The following PSPC1 variants were observed in gnomAD, a reference collection of about 807,000 sequenced individuals.
PSPC1 encodes the protein paraspeckle protein 1.
Under a neutral mutation model 51.6 loss-of-function variants are expected in PSPC1, and 14 were observed. That is an observed-to-expected ratio of 0.27 (90% confidence interval 0.18 to 0.42). The LOEUF is 0.42. Ranked by LOEUF, PSPC1 falls within the 10% of genes least tolerant of loss-of-function variation. The probability of loss-of-function intolerance (pLI) is 1.00; values close to 1 mark genes in which losing one functional copy is unlikely to be tolerated. For missense variants in PSPC1, 406 were observed against 701.1 expected (o/e 0.58, Z 4.75); for synonymous variants, 193 against 231.9 (o/e 0.83, Z 1.53).
rs184042854 is a variant in PSPC1, at chr13:19,722,726, G to A, written c.1158+7513C>T. Among the ~76,000 whole-genome samples, 700 of 152,128 alleles carry A rather than the reference G, an allele frequency of 4.6e-3. 5 individuals are homozygous for A. Among genetic ancestry groups the A allele is most frequent in the South Asian group, 0.027 (128 of 4,816 alleles). Reference sequence around the variant, plus strand: ...GAAGAATCACTTGAACCTGGGAGGCGGAGGTTGCCATGAGCTGAGATCGCG... The same window carrying A: ...GAAGAATCACTTGAACCTGGGAGGCAGAGGTTGCCATGAGCTGAGATCGCG... On this transcript the variant is annotated intron_variant, in intron 6 of 8. Transcript: ENST00000338910.
intron 6 of PSPC1, among the ~76,000 whole-genome samples, chr13:19,694,263 AT>A (rs1316649493): frequency 6.6e-6 from 1 of 151,898 alleles, no homozygotes; most frequent in African/African-American, 2.4e-5. Context: ...AGCCTATGTA[AT>A]GGGATTCAGA....
chr13:19,686,174 C>A (rs564148987), intron 6 of PSPC1, among the ~76,000 whole-genome samples: 1 of 152,142 alleles, frequency 6.6e-6, no homozygotes. Context: ...AAAGTCTCTC[C>A]GCTGAATTCC....
chr13:19,777,569 A>T (rs1202931846), intron 1 of PSPC1, among the ~76,000 whole-genome samples: 1 of 152,188 alleles, frequency 6.6e-6, no homozygotes, highest in African/African-American at 2.4e-5. Flanking sequence ...ATTTTAAGGA[A>T]ATTTCCATAT....
At chr13:19,706,375 A>C (rs1396220509) in intron 7 of PSPC1, among the ~76,000 whole-genome samples, 2 of 152,074 alleles carry the variant, frequency 1.3e-5, no homozygotes, top group African/African-American at 4.8e-5. Flanking sequence ...ACCTTGCTAA[A>C]TTACATAAGG....
intron 5 of PSPC1, among the ~76,000 whole-genome samples, chr13:19,738,753 A>G (rs940203069): frequency 6.6e-6 from 1 of 152,038 alleles, no homozygotes; most frequent in African/African-American, 2.4e-5. Flanking sequence ...TAAAAATACA[A>G]AAAAATAGCC....
intron 5 of PSPC1, among the ~76,000 whole-genome samples, chr13:19,737,586 TG>T (rs1884979683): frequency 1.6e-5 from 1 of 63,194 alleles, no homozygotes; most frequent in Admixed American, 1.8e-4. Flanking sequence ...TGGTGTCTAC[TG>T]GGTTTCTCCC....
intron 3 of PSPC1, among the ~76,000 whole-genome samples, chr13:19,752,598 A>AT (rs1400277318): frequency 1.3e-5 from 2 of 151,286 alleles, no homozygotes; most frequent in African/African-American, 2.4e-5. Flanking sequence ...TTATTTATTT[A>AT]TTTTTGAGAC....
Position 19,751,263 on chromosome 13 carries a change from A to G in PSPC1, c.967+8T>C. 1 of 1,520,758 alleles carries G rather than the reference A, an allele frequency of 6.6e-7. No homozygotes were observed. The allele number at this position is 1,520,758 out of a possible 1,614,324, so 94.2% of individuals were successfully genotyped here. On this transcript the variant is annotated splice_region_variant and intron_variant, in intron 4 of 8. Transcript: ENST00000338910. ...TCATACCACATGTACATGAAAATCC[A>G]TATTTACCTTGCCTCATTAGCATTA...
chr13:19,757,025 G>A (rs1211715446), intron 3 of PSPC1, among the ~76,000 whole-genome samples: 1 of 151,824 alleles, frequency 6.6e-6, no homozygotes, highest in East Asian at 2.0e-4. Context: ...AGCTACTTGG[G>A]ATGCTGAGGC....
intron 8 of PSPC1, among the ~76,000 whole-genome samples, chr13:19,704,955 T>C (rs1880459926): frequency 6.6e-6 from 1 of 152,226 alleles, no homozygotes; most frequent in Non-Finnish European, 1.5e-5. Context: ...TGACAGGTAA[T>C]ATTTTTATCA....
In PSPC1 at chr13:19,703,325, C is replaced by T. The variant is rs1225868482; in HGVS notation, c.1422G>A (p.Gln474=). The T allele has an allele frequency of 6.2e-7, 1 of 1,611,282 alleles. No homozygotes were observed. The highest frequency in any genetic ancestry group is 1.3e-5 in the African/African-American group (1 of 74,786). ...NDRFPQGPPS[Q]MGSPMGSRTG... Reference sequence around the variant, plus strand: ...TTCTACTCCCCATAGGTGAACCCATCTGAGATGGTGGTCCTTGAGGAAATC... The same window carrying T: ...TTCTACTCCCCATAGGTGAACCCATTTGAGATGGTGGTCCTTGAGGAAATC... Residue 474 remains glutamine, a synonymous_variant, in exon 9 of 9, where the codon CAG becomes CAA. Coordinates refer to ENST00000338910, the MANE Select transcript of PSPC1 (RefSeq NM_001354909.2).
At chr13:19,761,177 G>A (rs1036555369) in intron 2 of PSPC1, among the ~76,000 whole-genome samples, 2 of 151,924 alleles carry the variant, frequency 1.3e-5, no homozygotes, top group African/African-American at 2.4e-5. Context: ...ATGTTAGCCA[G>A]ACAAAAAGGG....
At chr13:19,759,600 C>T (rs1776881011) in intron 2 of PSPC1, among the ~76,000 whole-genome samples, 182 bp from the exon 3 acceptor site, 1 of 152,138 alleles carries the variant, frequency 6.6e-6, no homozygotes, top group African/African-American at 2.4e-5. Context: ...GTGGCTCACG[C>T]CTGTAATCCC....
intron 6 of PSPC1, among the ~76,000 whole-genome samples, chr13:19,683,179 A>G (rs1292258057): frequency 6.6e-6 from 1 of 152,228 alleles, no homozygotes; most frequent in African/African-American, 2.4e-5. Flanking sequence ...AATTTTCCCC[A>G]AGAGGAATGA....
chr13:19,680,819 G>C (rs1406300456), intron 6 of PSPC1, among the ~76,000 whole-genome samples: 1 of 152,132 alleles, frequency 6.6e-6, no homozygotes, highest in African/African-American at 2.4e-5. Context: ...AGTGAAAAAG[G>C]CCCCTCTAAC....
chr13:19,782,906 C>A lies in PSPC1; in HGVS notation c.-149G>T, dbSNP rs945706951. The A allele has an allele frequency of 3.7e-6, 3 of 813,636 alleles. No individual in the cohort carries two copies. The East Asian group carries it at 9.0e-5, about 24-fold the overall frequency. 50.4% of individuals were successfully genotyped at this position (813,636 alleles called of 1,614,324 possible). A position where few individuals can be genotyped will look rare whatever the true frequency, so the allele number is the denominator to read the frequency against. The stretch of plus-strand genomic sequence containing the variant: ...GTAGGCGAGTCGGCAACCCGTCCTC[C>A]CCCAACTCACGCCCGCTGCAGCTGC... On this transcript the variant is annotated 5_prime_UTR_variant, in exon 1 of 9. Coordinates refer to ENST00000338910, the MANE Select transcript of PSPC1 (RefSeq NM_001354909.2). This position sits in a 1 kb window ranked among gnomAD's most constrained non-coding sequence, Gnocchi z 4.5.
At chr13:19,734,879 G>A (rs1043834212) in intron 5 of PSPC1, among the ~76,000 whole-genome samples, 2 of 151,978 alleles carry the variant, frequency 1.3e-5, no homozygotes, top group Non-Finnish European at 2.9e-5. Flanking sequence ...TCAGGAGGCC[G>A]AGGCAGGAGA....
At chr13:19,681,024 C>T (rs1036389168) in intron 6 of PSPC1, among the ~76,000 whole-genome samples, 2 of 152,048 alleles carry the variant, frequency 1.3e-5, no homozygotes, top group Admixed American at 1.3e-4. Context: ...TTGAGACCAG[C>T]GTGGGCAACA....
intron 3 of PSPC1, among the ~76,000 whole-genome samples, chr13:19,755,128 G>C (rs1566032504): frequency 6.6e-6 from 1 of 151,998 alleles, no homozygotes; most frequent in Non-Finnish European, 1.5e-5. Context: ...CAGCTACTTG[G>C]GGGGTGCTGA....
Sources: gnomAD v4.1 joint callset for allele counts (sites outside exome capture counted in the v4.1 genomes callset) on GRCh38, gnomAD v4.1.1 for gene constraint, Gnocchi (gnomAD v3.1) non-coding constraint, MANE v1.5 for transcripts, NCBI Gene and HGNC (gene_info 2026-07-23, HGNC 2026-07-21) for gene names.